Variants in PTPRD observed in about 807,000 individuals in gnomAD.
PTPRD encodes receptor-type tyrosine-protein phosphatase delta.
PTPRD carries 34 observed loss-of-function variants against 214.5 expected under a neutral mutation model. The ratio of observed to expected loss-of-function variants is 0.16; its 90% CI spans 0.12 to 0.21. The LOEUF is 0.21. PTPRD is among the 10% of genes least tolerant of loss of function. The pLI, the probability that PTPRD is intolerant of heterozygous loss-of-function variation, is 1.00. For synonymous variants in PTPRD, 1,128 were observed against 845.7 expected (o/e 1.33, Z -5.79); for missense variants, 2,545 against 2,398.7 (o/e 1.06, Z -1.27).
intron 39 of PTPRD, among the ~76,000 whole-genome samples, chr9:8,369,737 G>A (rs2080967373): frequency 6.6e-6 from 1 of 151,810 alleles, no homozygotes; most frequent in Non-Finnish European, 1.5e-5. Flanking sequence ...CTTAAAAAGA[G>A]TTAATGTGAC....
At chr9:9,325,586 T>A (rs1969610942) in intron 9 of PTPRD, among the ~76,000 whole-genome samples, 1 of 152,108 alleles carries the variant, frequency 6.6e-6, no homozygotes, top group African/African-American at 2.4e-5. Context: ...CCGAAGGAGA[T>A]TTTGGGCTGA....
chr9:9,175,811 C>T (rs1280026921), intron 10 of PTPRD, among the ~76,000 whole-genome samples: 1 of 151,968 alleles, frequency 6.6e-6, no homozygotes, highest in Non-Finnish European at 1.5e-5. Flanking sequence ...TCCAGGATCA[C>T]ATCATTGAGT....
chr9:8,715,481 T>C (rs576883953), intron 12 of PTPRD, among the ~76,000 whole-genome samples: 1 of 152,314 alleles, frequency 6.6e-6, no homozygotes, highest in East Asian at 1.9e-4. Flanking sequence ...TTAAAAAATA[T>C]ATATGCTCAG....
rs141614602 is a variant in PTPRD, at chr9:9,837,753, C to A, written c.-367-70902G>T. 4.1e-3 allele frequency among the ~76,000 whole-genome samples: 611 copies of A among 150,424 alleles called. 3 individuals are homozygous for A. The highest frequency in any genetic ancestry group is 0.014 in the African/African-American group (551 of 40,242). On this transcript the variant is annotated intron_variant, in intron 5 of 45. Coordinates refer to ENST00000381196, the MANE Select transcript of PTPRD (RefSeq NM_002839.4). ...TGTTTTCTGTTCTCTGTCCTTGCTGCATTTTTTTATTCTTTTATTTTATTA... is the reference window on the plus strand; with the variant it reads ...TGTTTTCTGTTCTCTGTCCTTGCTGAATTTTTTTATTCTTTTATTTTATTA...
chr9:9,069,882 G>C (rs577626602), intron 10 of PTPRD, among the ~76,000 whole-genome samples: 14 of 152,294 alleles, frequency 9.2e-5, no homozygotes, highest in African/African-American at 3.4e-4. Context: ...ATTGTGTAAT[G>C]TTAGCTTGAG....
chr9:8,399,501 C>A (rs1470927057), intron 36 of PTPRD, among the ~76,000 whole-genome samples: 1 of 152,080 alleles, frequency 6.6e-6, no homozygotes, highest in Non-Finnish European at 1.5e-5. Context: ...ATTTAGTTTT[C>A]AGTTTTCTGT....
At chr9:10,157,969 T>C (rs1757451435) in intron 3 of PTPRD, among the ~76,000 whole-genome samples, 1 of 152,092 alleles carries the variant, frequency 6.6e-6, no homozygotes, top group Non-Finnish European at 1.5e-5. Context: ...ATTATTGTAG[T>C]ATGTTTTTCA....
chr9:10,128,260 T>A (rs553294823), intron 3 of PTPRD, among the ~76,000 whole-genome samples: 2 of 152,146 alleles, frequency 1.3e-5, no homozygotes, highest in African/African-American at 2.4e-5. Context: ...GCTTAGAATG[T>A]GACATAATTT....
At chr9:10,230,019 A>G (rs886557235) in intron 3 of PTPRD, among the ~76,000 whole-genome samples, 1 of 152,002 alleles carries the variant, frequency 6.6e-6, no homozygotes, top group Non-Finnish European at 1.5e-5. Flanking sequence ...GCACATTTCA[A>G]TTCTCAAGTT....
intron 2 of PTPRD, among the ~76,000 whole-genome samples, chr9:10,551,621 G>C (rs889857907): frequency 1.3e-5 from 2 of 152,104 alleles, no homozygotes; most frequent in East Asian, 3.9e-4. Context: ...CATGGAATCT[G>C]CCAGTACCTT....
intron 9 of PTPRD, among the ~76,000 whole-genome samples, chr9:9,248,197 A>C (rs1594513314): frequency 6.6e-6 from 1 of 151,902 alleles, no homozygotes; most frequent in South Asian, 2.1e-4. Flanking sequence ...GGTTCAAGTG[A>C]TTCTCCTGCC....
At chr9:9,606,731 T>G (rs1156907197) in intron 7 of PTPRD, among the ~76,000 whole-genome samples, 1 of 151,922 alleles carries the variant, frequency 6.6e-6, no homozygotes, top group East Asian at 1.9e-4. Flanking sequence ...CAAGGTCGAC[T>G]AACTTCAAGA....
intron 12 of PTPRD, among the ~76,000 whole-genome samples, chr9:8,684,200 T>A (rs1299125): frequency 6.6e-6 from 1 of 152,224 alleles, no homozygotes; most frequent in Non-Finnish European, 1.5e-5. Context: ...ATTATACACA[T>A]ACAGAAGCTG....
intron 35 of PTPRD, among the ~76,000 whole-genome samples, chr9:8,429,474 T>G (rs2094906732): frequency 6.6e-6 from 1 of 152,210 alleles, no homozygotes; most frequent in Non-Finnish European, 1.5e-5. Flanking sequence ...ACTGTCTTGA[T>G]GTATTTCATT....
At chr9:9,888,825 T>C (rs1436075247) in intron 5 of PTPRD, among the ~76,000 whole-genome samples, 1 of 152,054 alleles carries the variant, frequency 6.6e-6, no homozygotes, top group Non-Finnish European at 1.5e-5. Flanking sequence ...ACAAAGAGTA[T>C]TGTAGAGAAA....
At chr9:10,023,701 A>AT (rs1332567858) in intron 4 of PTPRD, among the ~76,000 whole-genome samples, 1 of 151,702 alleles carries the variant, frequency 6.6e-6, no homozygotes, top group Non-Finnish European at 1.5e-5. Flanking sequence ...CAGCCATTCA[A>AT]TTATATATTG....
At chr9:10,464,917 A>T (rs10959114) in intron 2 of PTPRD, among the ~76,000 whole-genome samples, 10 of 152,094 alleles carry the variant, frequency 6.6e-5, no homozygotes, top group Non-Finnish European at 1.5e-5. Flanking sequence ...ATAGCCTAAA[A>T]CTAACATTAC....
chr9:9,483,197 A>G (rs983535249), intron 8 of PTPRD, among the ~76,000 whole-genome samples: 2 of 152,186 alleles, frequency 1.3e-5, no homozygotes, highest in Non-Finnish European at 2.9e-5. Flanking sequence ...GACTCAGTGG[A>G]GACAGACCAC....
chr9:9,939,624 T>C (rs1167485944), intron 4 of PTPRD, among the ~76,000 whole-genome samples: 1 of 152,184 alleles, frequency 6.6e-6, no homozygotes, highest in Non-Finnish European at 1.5e-5. Context: ...TATTAATTGC[T>C]TGCTTGGATC....
Sources: allele counts gnomAD v4.1 joint callset (sites outside exome capture counted in the v4.1 genomes callset), GRCh38; gene constraint gnomAD v4.1.1; transcripts MANE v1.5; gene names NCBI Gene and HGNC (gene_info 2026-07-23, HGNC 2026-07-21).